The following FGD4 variants were observed in gnomAD, a reference collection of about 807,000 sequenced individuals.
FGD4 encodes FYVE, RhoGEF and PH domain-containing protein 4.
A neutral mutation model predicts 102.0 loss-of-function variants in FGD4; 42 were observed. The ratio of observed to expected loss-of-function variants is 0.41; its 90% CI spans 0.32 to 0.53. FGD4 has a LOEUF of 0.53. FGD4 is among the 20% of genes least tolerant of loss of function. FGD4 has a pLI of 0.21. For missense variants in FGD4, 902 were observed against 1,078.2 expected, an observed-to-expected ratio of 0.84 and a Z score of 2.29; for synonymous variants, 380 against 375.7, an observed-to-expected ratio of 1.01 and a Z score of -0.13.
At chr12:32,523,356 A>G (rs1437693529) in intron 1 of FGD4, among the ~76,000 whole-genome samples, 1 of 152,202 alleles carries the variant, frequency 6.6e-6, no homozygotes, top group African/African-American at 2.4e-5. Flanking sequence ...CATTAAATAC[A>G]TTTATATTGT....
At chr12:32,611,322 A>G in intron 10 of FGD4, 39 bp downstream of exon 10, 3 of 1,611,872 alleles carry the variant, frequency 1.9e-6, no homozygotes, top group East Asian at 2.2e-5. Flanking sequence ...TAAGAATTAT[A>G]TATAAAAATA....
chr12:32,559,903 G>T (rs1165334674), intron 1 of FGD4, among the ~76,000 whole-genome samples: 1 of 152,108 alleles, frequency 6.6e-6, no homozygotes, highest in Non-Finnish European at 1.5e-5. Flanking sequence ...GTGTAGTATT[G>T]TTGCTGCTTT....
At chr12:32,495,014 A>C (rs1937708698) in intron 1 of FGD4, among the ~76,000 whole-genome samples, 2 of 152,186 alleles carry the variant, frequency 1.3e-5, no homozygotes, top group Admixed American at 1.3e-4. Flanking sequence ...TTTTCATGTC[A>C]GGAAGTCAAT....
At chr12:32,593,249 A>G (rs1158148916) in intron 4 of FGD4, among the ~76,000 whole-genome samples, 1 of 152,198 alleles carries the variant, frequency 6.6e-6, no homozygotes, top group African/African-American at 2.4e-5. Context: ...TCAGTGAATA[A>G]GTGTTAGTTT....
chr12:32,572,114 A>G (rs1945725042), intron 2 of FGD4, among the ~76,000 whole-genome samples: 1 of 152,160 alleles, frequency 6.6e-6, no homozygotes, highest in Admixed American at 6.5e-5. Context: ...ATACACACAC[A>G]CGCATAAAAG....
chr12:32,503,501 A>C (rs1938413365), intron 1 of FGD4, among the ~76,000 whole-genome samples: 1 of 152,182 alleles, frequency 6.6e-6, no homozygotes, highest in Admixed American at 6.5e-5. Context: ...TTACTTCAAG[A>C]ACAGGTTTTT....
At chr12:32,565,903 CT>C (rs1456056223) in intron 2 of FGD4, among the ~76,000 whole-genome samples, 2 of 152,148 alleles carry the variant, frequency 1.3e-5, no homozygotes, top group African/African-American at 4.8e-5. Flanking sequence ...TTTCAAAATA[CT>C]TTCAGGCAGT....
At position 32,561,070 on chromosome 12, in the gene FGD4, G is replaced by GT. The variant is rs1267043755; in HGVS notation, c.167-3063dup. On this transcript the variant is annotated intron_variant, in intron 1 of 16. Coordinates refer to ENST00000534526, the MANE Select transcript of FGD4 (RefSeq NM_001370298.3). ...AGCAGAAATGTGGTTTCTTTGTTGG[G>GT]TTTTGTTTTTTTTTTTTTTTTTTTT... Among the ~76,000 whole-genome samples the GT allele has an allele frequency of 4.4e-3, 395 of 90,774 alleles. 55 individuals carry two copies. Among genetic ancestry groups the GT allele is most frequent in the African/African-American group, 0.013 (313 of 24,028 alleles). 59.6% of individuals were successfully genotyped at this position (90,774 alleles called of 152,430 possible). A position where few individuals can be genotyped will look rare whatever the true frequency, so the allele number is the denominator to read the frequency against.
In FGD4 at chr12:32,453,176, TTATATATATATTTTATATATATATTA is replaced by T. The variant is rs1161577145; in HGVS notation, c.166+53229_166+53254del. On this transcript the variant is annotated intron_variant, in intron 1 of 16. Coordinates refer to ENST00000534526, the MANE Select transcript of FGD4 (RefSeq NM_001370298.3). ...ACGTGTGTGTGTATATATATCTATA[TTATATATATATTTTATATATATATTA>T]TATATATATATATATATAATATAGA... Among the ~76,000 whole-genome samples the T allele has an allele frequency of 2.6e-4, 35 of 132,720 alleles. 2 individuals are homozygous for T. In the South Asian group the frequency reaches 8.4e-3, roughly 32 times the overall value. 87.1% of individuals were successfully genotyped at this position (132,720 alleles called of 152,430 possible).
chr12:32,525,815 G>C (rs1044969509), intron 1 of FGD4, among the ~76,000 whole-genome samples: 1 of 152,222 alleles, frequency 6.6e-6, no homozygotes, highest in Non-Finnish European at 1.5e-5. Flanking sequence ...CTTAGCACCC[G>C]GGCCAGTGGC....
chr12:32,635,154 C>G (rs1444123082), intron 15 of FGD4, among the ~76,000 whole-genome samples: 1 of 152,158 alleles, frequency 6.6e-6, no homozygotes, highest in South Asian at 2.1e-4. Context: ...GCCCCACACA[C>G]TAAAATCATT....
intron 15 of FGD4, among the ~76,000 whole-genome samples, chr12:32,636,873 C>CTTT (rs1423444464): frequency 7.3e-6 from 1 of 136,076 alleles, no homozygotes; most frequent in African/African-American, 2.7e-5. Flanking sequence ...TATTTTTTTT[C>CTTT]TTTTTTTTTT....
At chr12:32,614,531 A>C (rs1412728526) in intron 10 of FGD4, among the ~76,000 whole-genome samples, 1 of 152,220 alleles carries the variant, frequency 6.6e-6, no homozygotes, top group Non-Finnish European at 1.5e-5. Flanking sequence ...AAACTAGCAA[A>C]AGATTTTAGC....
intron 1 of FGD4, among the ~76,000 whole-genome samples, chr12:32,475,074 G>A (rs1344915068): frequency 1.3e-5 from 2 of 152,152 alleles, no homozygotes; most frequent in East Asian, 3.9e-4. Flanking sequence ...TAGCATTTCT[G>A]ACATTTAGCT....
rs557104867 is a variant in FGD4, at chr12:32,421,104, G to A, written c.166+21145G>A. ...AACACTGTCAGAAAGTGGAATTAGGGTTCTGCAGTGATCATGAGTTTCTTA... is the reference window on the plus strand; with the variant it reads ...AACACTGTCAGAAAGTGGAATTAGGATTCTGCAGTGATCATGAGTTTCTTA... On this transcript the variant is annotated intron_variant, in intron 1 of 16. Coordinates refer to ENST00000534526, the MANE Select transcript of FGD4 (RefSeq NM_001370298.3). Among the ~76,000 whole-genome samples, 13 of 152,190 alleles carry A rather than the reference G, an allele frequency of 8.5e-5. No individual in the cohort carries two copies. The South Asian group carries it at 2.1e-3, about 24-fold the overall frequency.
In FGD4 at chr12:32,399,847, C is replaced by A. The variant is rs771971265; in HGVS notation, c.54C>A (p.Ser18=). 1.1e-5 allele frequency: 17 copies of A among 1,531,712 alleles called. No individual in the cohort carries two copies. In the East Asian group the frequency reaches 4.0e-4, roughly 36 times the overall value. 94.9% of individuals were successfully genotyped at this position (1,531,712 alleles called of 1,614,324 possible). The change falls in exon 1 of 17, where the codon TCC becomes TCA. Residue 18 remains serine (S), a synonymous_variant. Transcript: ENST00000534526. ...NFRRVAIRRK[S]NPSYLPPGVP... is the part of the protein sequence containing the mutation. ...GGCGGGTGGCGATCCGGCGGAAGTC[C>A]AACCCCTCCTACCTGCCGCCCGGGG...
chr12:32,481,265 C>T (rs926486591), intron 1 of FGD4, among the ~76,000 whole-genome samples: 7 of 150,668 alleles, frequency 4.6e-5, no homozygotes, highest in Non-Finnish European at 8.8e-5. Context: ...GGTGAAACCC[C>T]GTCTCTAGTA....
intron 15 of FGD4, among the ~76,000 whole-genome samples, chr12:32,636,361 C>G (rs890227063): frequency 1.3e-5 from 2 of 151,988 alleles, no homozygotes; most frequent in Non-Finnish European, 2.9e-5. Context: ...TGGTGAAACC[C>G]CATTCTACTA....
intron 1 of FGD4, among the ~76,000 whole-genome samples, chr12:32,441,457 G>C (rs567159474): frequency 6.6e-6 from 1 of 151,996 alleles, no homozygotes; most frequent in African/African-American, 2.4e-5. Context: ...CTAGGGCCTG[G>C]AACAGGGGCC....
Sources: allele counts gnomAD v4.1 joint callset (sites outside exome capture counted in the v4.1 genomes callset), GRCh38; gene constraint gnomAD v4.1.1; transcripts MANE v1.5; gene names NCBI Gene and HGNC (gene_info 2026-07-23, HGNC 2026-07-21).